The following REV3L variants were observed in gnomAD, a reference collection of about 807,000 sequenced individuals.
The protein encoded by REV3L is REV3 like, DNA directed polymerase zeta catalytic subunit.
Under a neutral mutation model 299.4 loss-of-function variants are expected in REV3L, and 69 were observed. The ratio of observed to expected loss-of-function variants is 0.23; its 90% CI spans 0.19 to 0.28. REV3L has a LOEUF of 0.28. Ranked by LOEUF, REV3L falls within the 10% of genes least tolerant of loss-of-function variation. The pLI is 1.00. For missense variants in REV3L, 3,128 were observed against 3,693.8 expected (o/e 0.85, Z 3.97); for synonymous variants, 1,238 against 1,271.4 (o/e 0.97, Z 0.56).
chr6:111,366,515 C>G (rs1206869660), intron 14 of REV3L, among the ~76,000 whole-genome samples: 2 of 151,840 alleles, frequency 1.3e-5, no homozygotes, highest in Non-Finnish European at 2.9e-5. Flanking sequence ...GGAGGAAAGC[C>G]AAGTGGAGAA....
intron 1 of REV3L, among the ~76,000 whole-genome samples, chr6:111,428,231 C>T (rs904811523): frequency 6.6e-6 from 1 of 152,032 alleles, no homozygotes; most frequent in African/African-American, 2.4e-5. Context: ...GTGACTGACC[C>T]TAAGAAGACA....
At chr6:111,334,978 C>T (rs1000580932) in intron 22 of REV3L, among the ~76,000 whole-genome samples, 3 of 151,942 alleles carry the variant, frequency 2.0e-5, no homozygotes, top group Non-Finnish European at 4.4e-5. Flanking sequence ...TTCAGCAAGG[C>T]GTTTAGTAAA....
intron 1 of REV3L, among the ~76,000 whole-genome samples, chr6:111,476,652 G>A (rs939283980): frequency 2.0e-5 from 3 of 152,114 alleles, no homozygotes; most frequent in Admixed American, 2.0e-4. Flanking sequence ...TTTTAGTGCT[G>A]TCATGTGCCA....
At chr6:111,431,793 G>C in intron 1 of REV3L, 1 of 711,130 alleles carries the variant, frequency 1.4e-6, no homozygotes. Context: ...GAGGCCACCT[G>C]TATTTGATTA....
At chr6:111,407,504 G>A (rs1173819480) in intron 3 of REV3L, among the ~76,000 whole-genome samples, 1 of 152,188 alleles carries the variant, frequency 6.6e-6, no homozygotes. Context: ...ATTTAGGATT[G>A]TTTTAAGGCA....
At chr6:111,421,203 A>G (rs1032854913) in intron 1 of REV3L, among the ~76,000 whole-genome samples, 14 of 152,204 alleles carry the variant, frequency 9.2e-5, no homozygotes, top group African/African-American at 3.4e-4. Context: ...TCAACATTTT[A>G]TTCTGCAATT....
intron 5 of REV3L, among the ~76,000 whole-genome samples, chr6:111,390,903 A>AACAGAATG (rs1781855793): frequency 6.6e-6 from 1 of 152,120 alleles, no homozygotes; most frequent in South Asian, 2.1e-4. Flanking sequence ...GACCCTACTT[A>AACAGAATG]ACAGAATGAA....
In REV3L at chr6:111,375,647, G is replaced by A. The variant is rs202001626; in HGVS notation, c.2708C>T (p.Thr903Met). 29 of 1,613,658 alleles carry A rather than the reference G, an allele frequency of 1.8e-5. No homozygotes were observed. The Admixed American group carries it at 2.2e-4, about 12-fold the overall frequency. ...GFIDCHFGDG[T>M]LETEQSFGLY... ...TCCAAAGGACTGCTCAGTTTCTAACGTTCCATCTCCAAAGTGACAGTCTAT... is the reference window on the plus strand; with the variant it reads ...TCCAAAGGACTGCTCAGTTTCTAACATTCCATCTCCAAAGTGACAGTCTAT... The change falls in exon 13 of 32, where the codon ACG becomes ATG. Residue 903 changes from threonine (T) to methionine (M), a missense_variant. Coordinates refer to ENST00000368802, the MANE Select transcript of REV3L (RefSeq NM_001372078.1).
chr6:111,383,219 C>CA (rs1781013201), intron 9 of REV3L, among the ~76,000 whole-genome samples: 1 of 152,176 alleles, frequency 6.6e-6, no homozygotes, highest in African/African-American at 2.4e-5. Context: ...TGGAACAAGA[C>CA]AAGGATGCCT....
chr6:111,479,935 C>T (rs12204891), intron 1 of REV3L, among the ~76,000 whole-genome samples: 28 of 152,262 alleles, frequency 1.8e-4, no homozygotes, highest in Non-Finnish European at 3.7e-4. Context: ...ACAGAACAAT[C>T]AAAAGTCAAC....
chr6:111,405,589 A>T lies in REV3L; in HGVS notation c.446T>A (p.Phe149Tyr). 4 of 1,607,414 alleles carry T rather than the reference A, an allele frequency of 2.5e-6. No individual in the cohort carries two copies. The highest frequency in any genetic ancestry group is 3.4e-6 in the Non-Finnish European group (4 of 1,177,630). ...AATATGCGCTTCATGAGGCTGGTAA[A>T]ATTTATTCATTATGGCTCCGCTTTG... is the stretch of plus-strand genomic sequence containing the variant. ...LLQSGAIMNK[F>Y]YQPHEAHIPY... Residue 149 changes from phenylalanine to tyrosine, a missense_variant, in exon 4 of 32, where the codon TTT (phenylalanine) becomes TAT (tyrosine). This residue lies in a region of REV3L where 2,409 missense variants were observed against 2,611.8 expected (regional missense o/e 0.92). Transcript: ENST00000368802.
chr6:111,367,641 C>A lies in REV3L; in HGVS notation c.6147G>T (p.Val2049=). ...SSVNPDDKPV[V]PPKMDVSPCI... ...ATGGACTTACATCCATTTTTGGAGG[C>A]ACTACAGGTTTGTCATCTGGGTTAA... The change falls in exon 14 of 32, where the codon GTG becomes GTT. Residue 2049 remains valine, a synonymous_variant. Transcript: ENST00000368802. 6.2e-7 allele frequency: 1 copy of A among 1,614,146 alleles called. No individual in the cohort carries two copies.
Position 111,390,114 on chromosome 6 carries a change from A to G in REV3L, c.729T>C (p.Ala243=), listed in dbSNP as rs1269686033. The change falls in exon 6 of 32, where the codon GCT becomes GCC. Residue 243 remains alanine (A), a synonymous_variant. Coordinates refer to ENST00000368802, the MANE Select transcript of REV3L (RefSeq NM_001372078.1). The part of the protein sequence containing the change: ...TCELEVDAVA[A]DILNRLDIEA... ...CAATGTCCAGACGATTTAAGATATC[A>G]GCAGCTACAGCATCCACTTCTAATT... The G allele has an allele frequency of 1.2e-6, 2 of 1,609,338 alleles. No individual in the cohort carries two copies. Among genetic ancestry groups the G allele is most frequent in the Admixed American group, 1.7e-5 (1 of 60,016 alleles).
At chr6:111,339,749 T>C (rs1776289940) in intron 21 of REV3L, among the ~76,000 whole-genome samples, 1 of 152,218 alleles carries the variant, frequency 6.6e-6, no homozygotes, top group Non-Finnish European at 1.5e-5. Flanking sequence ...CTTTTTAATT[T>C]AAAAAAGTGA....
At chr6:111,480,430 C>G (rs1199156452) in intron 1 of REV3L, among the ~76,000 whole-genome samples, 1 of 152,038 alleles carries the variant, frequency 6.6e-6, no homozygotes, top group Non-Finnish European at 1.5e-5. Context: ...TAATAATTTT[C>G]AAGTTTTATT....
intron 11 of REV3L, among the ~76,000 whole-genome samples, chr6:111,378,586 A>G (rs17539553): frequency 0.027 from 4,058 of 152,218 alleles, 71 homozygotes; most frequent in Non-Finnish European, 0.037. Context: ...AACGAACCTG[A>G]CACAATCTCT....
intron 31 of REV3L, among the ~76,000 whole-genome samples, chr6:111,303,700 A>AATTTTTTTTTTTT (rs1771921771): frequency 1.3e-4 from 1 of 7,582 alleles, no homozygotes; most frequent in Non-Finnish European, 2.6e-4. Flanking sequence ...ACAGACTATG[A>AATTTTTTTTTTTT]CTTTTTTTTT....
At chr6:111,455,685 T>C (rs949126477) in intron 1 of REV3L, among the ~76,000 whole-genome samples, 1 of 152,222 alleles carries the variant, frequency 6.6e-6, no homozygotes, top group Non-Finnish European at 1.5e-5. Context: ...ACAAACTACA[T>C]GTAAGTGATT....
Position 111,310,115 on chromosome 6 carries a change from G to A in REV3L, c.8796-16C>T, listed in dbSNP as rs1582449253. ...CAGCATTTTCCTATTCGAATTCAAA[G>A]AAAAAAACCACACCCAAATACTGTT... On this transcript the variant is annotated splice_polypyrimidine_tract_variant and intron_variant, in intron 29 of 31. Coordinates refer to ENST00000368802, the MANE Select transcript of REV3L (RefSeq NM_001372078.1). 4.7e-6 allele frequency: 7 copies of A among 1,493,974 alleles called. No homozygotes were observed. The highest frequency in any genetic ancestry group is 1.4e-5 in the African/African-American group (1 of 70,964). The allele number at this position is 1,493,974 out of a possible 1,614,324, so 92.5% of individuals were successfully genotyped here. A position where few individuals can be genotyped will look rare whatever the true frequency, so the allele number is the denominator to read the frequency against.
Sources: allele counts gnomAD v4.1 joint callset (sites outside exome capture counted in the v4.1 genomes callset), GRCh38; gene constraint gnomAD v4.1.1; regional missense constraint gnomAD v4.1.1; transcripts MANE v1.5; gene names NCBI Gene and HGNC (gene_info 2026-07-23, HGNC 2026-07-21).